The following COL4A4 variants were observed in gnomAD, a reference collection of about 807,000 sequenced individuals.
The protein encoded by COL4A4 is collagen alpha-4(IV) chain.
Under a neutral mutation model 192.9 loss-of-function variants are expected in COL4A4, and 105 were observed. The ratio of observed to expected loss-of-function variants is 0.54; its 90% CI spans 0.46 to 0.64. The LOEUF is 0.64. Ranked by LOEUF, COL4A4 falls within the 30% of genes least tolerant of loss-of-function variation. The probability of loss-of-function intolerance (pLI) is 0.00; values close to 1 mark genes in which losing one functional copy is unlikely to be tolerated. For missense variants in COL4A4, 1,967 were observed against 2,169.3 expected (o/e 0.91, Z 1.85); for synonymous variants, 762 against 769.9 (o/e 0.99, Z 0.17).
intron 17 of COL4A4, among the ~76,000 whole-genome samples, chr2:227,100,570 T>C (rs1276628286): frequency 3.3e-5 from 5 of 152,170 alleles, no homozygotes; most frequent in Admixed American, 2.6e-4. Flanking sequence ...ATGGCGTGTG[T>C]AAGTATTATG....
chr2:226,980,657 C>T, the COL4A4 span, among the ~76,000 whole-genome samples: 1 of 152,116 alleles, frequency 6.6e-6, no homozygotes, highest in Non-Finnish European at 1.5e-5. Flanking sequence ...ACCATATAGT[C>T]CTTTCTCTGC....
chr2:227,100,965 T>C (rs888705103), intron 17 of COL4A4, among the ~76,000 whole-genome samples: 48 of 151,850 alleles, frequency 3.2e-4, no homozygotes, highest in Non-Finnish European at 4.3e-4. Flanking sequence ...CCACCACGCC[T>C]GGCTAATTTT....
chr2:227,103,538 A>G (rs934529760), intron 13 of COL4A4, among the ~76,000 whole-genome samples: 1 of 152,260 alleles, frequency 6.6e-6, no homozygotes, highest in Non-Finnish European at 1.5e-5. Context: ...TGTGGCACCA[A>G]TAATACCAGC....
At chr2:227,068,414 A>C (rs928242060) in intron 25 of COL4A4, among the ~76,000 whole-genome samples, 4 of 152,218 alleles carry the variant, frequency 2.6e-5, no homozygotes, top group Non-Finnish European at 5.9e-5. Flanking sequence ...AGACACAACC[A>C]AAAAAGAGAA....
At chr2:226,988,377 A>G in the COL4A4 span, 2 of 1,550,446 alleles carry the variant, frequency 1.3e-6, no homozygotes, top group Non-Finnish European at 1.7e-6. Flanking sequence ...CTGGACCCCA[A>G]GATAAAGGTC....
At chr2:227,140,456 A>G (rs1413467288) in intron 3 of COL4A4, among the ~76,000 whole-genome samples, 2 of 152,224 alleles carry the variant, frequency 1.3e-5, no homozygotes, top group African/African-American at 4.8e-5. Context: ...ATGCTGAAGG[A>G]AAATAAGTAT....
At chr2:226,969,697 G>A in the COL4A4 span, among the ~76,000 whole-genome samples, 1 of 152,156 alleles carries the variant, frequency 6.6e-6, no homozygotes, top group Non-Finnish European at 1.5e-5. Flanking sequence ...TATGCATTTT[G>A]AAGGAAATGT....
At chr2:227,139,168 C>A (rs958460830) in intron 4 of COL4A4, among the ~76,000 whole-genome samples, 9 of 152,158 alleles carry the variant, frequency 5.9e-5, no homozygotes, top group African/African-American at 2.2e-4. Context: ...AGGAAGCAGG[C>A]CTTCAGCAAG....
At chr2:227,020,299 C>T (rs560496834) in intron 44 of COL4A4, among the ~76,000 whole-genome samples, 1 of 151,916 alleles carries the variant, frequency 6.6e-6, no homozygotes, top group East Asian at 1.9e-4. Context: ...CTAGTAATAC[C>T]GACTGACAGA....
intron 17 of COL4A4, 130 bp from the exon 18 acceptor site, chr2:227,099,819 A>T: frequency 2.5e-6 from 2 of 795,786 alleles, no homozygotes; most frequent in Non-Finnish European, 4.3e-6. Flanking sequence ...TGACTAGAGA[A>T]ATGAAGCATC....
At chr2:227,092,596 G>A (rs1008012714) in intron 20 of COL4A4, among the ~76,000 whole-genome samples, 1 of 152,166 alleles carries the variant, frequency 6.6e-6, no homozygotes, top group Non-Finnish European at 1.5e-5. Flanking sequence ...ATAATTCTGG[G>A]CAGTTTGAGG....
chr2:227,143,531 G>A (rs976573610), intron 3 of COL4A4, among the ~76,000 whole-genome samples: 1 of 152,008 alleles, frequency 6.6e-6, no homozygotes, highest in Admixed American at 6.6e-5. Flanking sequence ...AGAAGTCCTG[G>A]GATAGAAAAA....
chr2:227,050,290 C>G (rs1576123702), intron 33 of COL4A4, among the ~76,000 whole-genome samples, 159 bp from the exon 34 acceptor site: 2 of 152,330 alleles, frequency 1.3e-5, no homozygotes, highest in South Asian at 2.1e-4. Flanking sequence ...CTACATGTAT[C>G]TAGTTTTTCA....
chr2:227,057,356 A>C, intron 29 of COL4A4, 83 bp downstream of exon 29: 1 of 1,466,580 alleles, frequency 6.8e-7, no homozygotes, highest in Non-Finnish European at 9.3e-7. Flanking sequence ...TGCTTCTGGC[A>C]GCATCCATAA....
chr2:227,126,470 T>G (rs1346575895), intron 4 of COL4A4, among the ~76,000 whole-genome samples: 3 of 152,234 alleles, frequency 2.0e-5, no homozygotes, highest in African/African-American at 4.8e-5. Context: ...GTTGGTGTTT[T>G]TTGCTGTTGA....
chr2:227,147,248 G>C, intron 2 of COL4A4, 165 bp downstream of exon 2: 1 of 747,414 alleles, frequency 1.3e-6, no homozygotes, highest in African/African-American at 1.7e-5. Context: ...GAGAGGGTTG[G>C]TGTTCAATAA....
chr2:227,106,081 C>A (rs2060824069), intron 12 of COL4A4, among the ~76,000 whole-genome samples: 1 of 149,660 alleles, frequency 6.7e-6, no homozygotes, highest in Non-Finnish European at 1.5e-5. Flanking sequence ...CTACCTAAAC[C>A]TGGGAAATTG....
intron 37 of COL4A4, among the ~76,000 whole-genome samples, chr2:227,039,621 C>T (rs1268319878): frequency 6.6e-6 from 1 of 152,104 alleles, no homozygotes; most frequent in Admixed American, 6.5e-5. Flanking sequence ...ACTTAAAAAT[C>T]CTTGCTGTGT....
chr2:227,150,904 CT>C (rs113668248), intron 1 of COL4A4, among the ~76,000 whole-genome samples: 1,941 of 148,752 alleles, frequency 0.013, 24 homozygotes, highest in East Asian at 0.057. Flanking sequence ...ATCAGCCCTC[CT>C]TTTTTTTTTT....
Sources: allele counts gnomAD v4.1 joint callset (sites outside exome capture counted in the v4.1 genomes callset), GRCh38; gene constraint gnomAD v4.1.1; transcripts MANE v1.5; gene names NCBI Gene and HGNC (gene_info 2026-07-23, HGNC 2026-07-21).